SUGCT: variants seen among roughly 807,000 people sequenced by gnomAD.
SUGCT encodes succinyl-CoA:glutarate CoA-transferase.
A neutral mutation model predicts 55.0 loss-of-function variants in SUGCT; 41 were observed. That is an observed-to-expected ratio of 0.74 (90% CI 0.58 to 0.97). SUGCT has a LOEUF of 0.97. Ranked by LOEUF, SUGCT falls within the 50% of genes least tolerant of loss-of-function variation. SUGCT has a pLI of 0.00. For missense variants in SUGCT, 568 were observed against 547.8 expected (o/e 1.04, Z -0.37); for synonymous variants, 187 against 200.4 (o/e 0.93, Z 0.56).
chr7:40,188,779 A>G (rs1785705105), intron 4 of SUGCT, among the ~76,000 whole-genome samples, 199 bp downstream of exon 4: 1 of 152,142 alleles, frequency 6.6e-6, no homozygotes, highest in Non-Finnish European at 1.5e-5. Context: ...CTTACCTACT[A>G]AGTAACTTAG....
chr7:40,381,503 C>T (rs1022675748), intron 9 of SUGCT, among the ~76,000 whole-genome samples: 4 of 151,792 alleles, frequency 2.6e-5, no homozygotes, highest in South Asian at 2.1e-4. Context: ...TTTCTGTTTT[C>T]GTAACAACAA....
chr7:40,724,740 A>C (rs1480494587), intron 12 of SUGCT, among the ~76,000 whole-genome samples: 1 of 150,734 alleles, frequency 6.6e-6, no homozygotes, highest in African/African-American at 2.4e-5. Flanking sequence ...ATAAATATAC[A>C]CATATAAGTT....
At chr7:40,610,803 C>A (rs964836907) in intron 12 of SUGCT, among the ~76,000 whole-genome samples, 1 of 152,162 alleles carries the variant, frequency 6.6e-6, no homozygotes. Flanking sequence ...TGTGTGGCTC[C>A]ACTTTGGGCC....
chr7:40,405,808 TA>T (rs60966218), intron 9 of SUGCT, among the ~76,000 whole-genome samples: 64,775 of 90,966 alleles, frequency 0.71, 22,599 homozygotes, highest in Non-Finnish European at 0.79. Context: ...AGACTCTGTC[TA>T]AAAAAAAAAA....
intron 1 of SUGCT, among the ~76,000 whole-genome samples, chr7:40,161,220 C>T (rs1035348198): frequency 2.6e-5 from 4 of 152,184 alleles, no homozygotes; most frequent in African/African-American, 9.6e-5. Flanking sequence ...TTCAGAGTTG[C>T]TCACTGGAAG....
intron 12 of SUGCT, among the ~76,000 whole-genome samples, chr7:40,664,893 T>C (rs529636668): frequency 1.5e-4 from 23 of 149,020 alleles, no homozygotes; most frequent in African/African-American, 5.2e-4. Context: ...GGCAGGAGAA[T>C]GGCGTGAACC....
At chr7:40,374,628 T>A (rs185089431) in intron 9 of SUGCT, among the ~76,000 whole-genome samples, 1 of 152,326 alleles carries the variant, frequency 6.6e-6, no homozygotes, top group Admixed American at 6.5e-5. Flanking sequence ...TAGGTATAAC[T>A]AGCTCTGCAT....
chr7:40,244,762 A>G (rs1789698349), intron 7 of SUGCT, among the ~76,000 whole-genome samples: 5 of 152,222 alleles, frequency 3.3e-5, no homozygotes, highest in Admixed American at 2.6e-4. Flanking sequence ...ATACATTCAC[A>G]TAATACTAAA....
intron 10 of SUGCT, among the ~76,000 whole-genome samples, chr7:40,450,671 G>A (rs933078679): frequency 2.6e-5 from 4 of 151,828 alleles, no homozygotes; most frequent in African/African-American, 4.8e-5. Context: ...CCAGCTACTC[G>A]GCTGAGGCAG....
chr7:40,726,191 C>G (rs548240731), intron 12 of SUGCT, among the ~76,000 whole-genome samples: 16 of 152,196 alleles, frequency 1.1e-4, no homozygotes, highest in African/African-American at 3.4e-4. Flanking sequence ...TCCCCAAATA[C>G]TGTATTACTA....
the SUGCT span, among the ~76,000 whole-genome samples, chr7:40,868,951 A>G: frequency 6.6e-6 from 1 of 152,356 alleles, no homozygotes; most frequent in Admixed American, 6.5e-5. Flanking sequence ...ACATTCACCC[A>G]GTTTCTACTA....
At chr7:40,138,808 G>C (rs1787829333) in intron 1 of SUGCT, among the ~76,000 whole-genome samples, 1 of 152,076 alleles carries the variant, frequency 6.6e-6, no homozygotes, top group Non-Finnish European at 1.5e-5. Flanking sequence ...AATTTTCAGG[G>C]AAGATTAAAA....
the SUGCT span, among the ~76,000 whole-genome samples, chr7:40,898,152 G>A: frequency 6.7e-6 from 1 of 150,146 alleles, no homozygotes; most frequent in African/African-American, 2.5e-5. Flanking sequence ...CAGCTCACCA[G>A]TAGTGATGAA....
At chr7:40,933,301 T>C in the SUGCT span, among the ~76,000 whole-genome samples, 117 of 152,326 alleles carry the variant, frequency 7.7e-4, no homozygotes, top group Middle Eastern at 3.4e-3. Flanking sequence ...CCGAGAGATC[T>C]GCTGTTAGTC....
chr7:40,873,446 A>G, the SUGCT span, among the ~76,000 whole-genome samples: 35 of 152,278 alleles, frequency 2.3e-4, no homozygotes, highest in South Asian at 1.2e-3. Context: ...TGTTGATTTT[A>G]TTGCATTATC....
chr7:40,795,652 A>G (rs1472862875), intron 13 of SUGCT, among the ~76,000 whole-genome samples: 1 of 152,156 alleles, frequency 6.6e-6, no homozygotes, highest in Non-Finnish European at 1.5e-5. Flanking sequence ...GAGGGCTTGT[A>G]TTCTCTTGAA....
chr7:40,760,733 G>T (rs1304969124), intron 13 of SUGCT, among the ~76,000 whole-genome samples: 1 of 151,830 alleles, frequency 6.6e-6, no homozygotes. Context: ...GAGCATGTAG[G>T]CTTAGTCACC....
At chr7:40,673,631 C>A (rs368578639) in intron 12 of SUGCT, among the ~76,000 whole-genome samples, 1 of 152,166 alleles carries the variant, frequency 6.6e-6, no homozygotes, top group Non-Finnish European at 1.5e-5. Context: ...ATATAACCAT[C>A]CATAAAATGT....
intron 12 of SUGCT, among the ~76,000 whole-genome samples, chr7:40,632,526 T>C (rs1389921729): frequency 6.8e-6 from 1 of 147,344 alleles, no homozygotes; most frequent in East Asian, 2.0e-4. Context: ...CATGAAGACA[T>C]ACTAGATAGA....
Sources: gnomAD v4.1 joint callset for allele counts (sites outside exome capture counted in the v4.1 genomes callset) on GRCh38, gnomAD v4.1.1 for gene constraint, MANE v1.5 for transcripts, NCBI Gene and HGNC (gene_info 2026-07-23, HGNC 2026-07-21) for gene names.